Variants in ERC1 observed in about 807,000 individuals in gnomAD.
ERC1 encodes ELKS/RAB6-interacting/CAST family member 1.
A neutral mutation model predicts 132.0 loss-of-function variants in ERC1; 56 were observed. The ratio of observed to expected loss-of-function variants is 0.42; its 90% CI spans 0.34 to 0.53. ERC1 has a LOEUF of 0.53. ERC1 is among the 20% of genes least tolerant of loss of function. ERC1 has a pLI of 0.03. For synonymous variants in ERC1, 478 were observed against 476.1 expected (o/e 1.00, Z -0.05); for missense variants, 1,202 against 1,349.9 (o/e 0.89, Z 1.72).
chr12:1,221,057 C>T (rs1351473768), intron 12 of ERC1, among the ~76,000 whole-genome samples: 1 of 152,124 alleles, frequency 6.6e-6, no homozygotes, highest in African/African-American at 2.4e-5. Context: ...TTATTTTTCC[C>T]ATTGGACTTA....
chr12:1,204,225 T>TC, intron 12 of ERC1: 1 of 343,174 alleles, frequency 2.9e-6, no homozygotes, highest in South Asian at 7.6e-5. Context: ...GTTTTTTTTT[T>TC]CCTGCCCCAG....
Position 1,110,283 on chromosome 12 carries a change from A to G in ERC1, c.1253A>G (p.Glu418Gly). The change falls in exon 5 of 19, where the codon GAA (glutamate) becomes GGA (glycine). Residue 418 changes from glutamate (E) to glycine (G), a missense_variant. Transcript: ENST00000360905. Reference protein sequence around the residue: ...LKSNGALSTEEREEEMKQMEV... With the variant: ...LKSNGALSTEGREEEMKQMEV... ...TCGAATGGTGCTTTGAGTACTGAGGAAAGGGAAGAAGAAATGAAGCAAATG... is the reference window on the plus strand; with the variant it reads ...TCGAATGGTGCTTTGAGTACTGAGGGAAGGGAAGAAGAAATGAAGCAAATG... 1 of 1,613,654 alleles carries G rather than the reference A, an allele frequency of 6.2e-7. No individual in the cohort carries two copies. The highest frequency in any genetic ancestry group is 8.5e-7 in the Non-Finnish European group (1 of 1,179,728).
intron 12 of ERC1, among the ~76,000 whole-genome samples, chr12:1,196,578 A>C (rs957865034): frequency 4.0e-4 from 60 of 149,836 alleles, no homozygotes; most frequent in Non-Finnish European, 7.8e-4. Flanking sequence ...ACTATAGCCT[A>C]GACCTCCCAG....
intron 1 of ERC1, among the ~76,000 whole-genome samples, chr12:1,015,115 C>A (rs2154141427): frequency 6.6e-6 from 1 of 151,386 alleles, no homozygotes; most frequent in East Asian, 1.9e-4. Context: ...GTTGCCCAGG[C>A]TGGAGTGCAG....
intron 2 of ERC1, among the ~76,000 whole-genome samples, chr12:1,035,924 A>G (rs1326897096): frequency 4.8e-5 from 7 of 147,160 alleles, no homozygotes; most frequent in African/African-American, 1.5e-4. Flanking sequence ...TCCGTCTCAG[A>G]AAAAAAAAAA....
At chr12:1,038,798 G>A (rs944142007) in intron 2 of ERC1, among the ~76,000 whole-genome samples, 1 of 152,228 alleles carries the variant, frequency 6.6e-6, no homozygotes, top group African/African-American at 2.4e-5. Context: ...TGTCAGCAGA[G>A]TGGATTGAAG....
At chr12:1,331,326 A>G (rs1192041579) in intron 15 of ERC1, among the ~76,000 whole-genome samples, 1 of 152,218 alleles carries the variant, frequency 6.6e-6, no homozygotes, top group Non-Finnish European at 1.5e-5. Flanking sequence ...TTTTACATGT[A>G]GCCAATAGTT....
chr12:1,432,374 G>C (rs934761875), intron 17 of ERC1, among the ~76,000 whole-genome samples: 2 of 152,222 alleles, frequency 1.3e-5, no homozygotes, highest in African/African-American at 4.8e-5. Flanking sequence ...GTAGTGCTGT[G>C]TTGCTTATCT....
intron 1 of ERC1, among the ~76,000 whole-genome samples, chr12:1,017,609 A>AGT (rs1965723275): frequency 6.9e-6 from 1 of 145,928 alleles, no homozygotes; most frequent in African/African-American, 2.5e-5. Context: ...AGCGATTCTC[A>AGT]TGCCTCAGCC....
At chr12:1,372,452 A>G (rs1340027550) in intron 16 of ERC1, among the ~76,000 whole-genome samples, 2 of 152,220 alleles carry the variant, frequency 1.3e-5, no homozygotes, top group African/African-American at 4.8e-5. Context: ...TATTCATGTA[A>G]CACCTTTTGT....
intron 2 of ERC1, among the ~76,000 whole-genome samples, chr12:1,037,151 C>T (rs1264041474): frequency 6.6e-6 from 1 of 152,156 alleles, no homozygotes; most frequent in Non-Finnish European, 1.5e-5. Context: ...AAATGTTGCA[C>T]AAATATGAGA....
intron 3 of ERC1, among the ~76,000 whole-genome samples, chr12:1,093,467 G>A (rs954516747): frequency 6.6e-6 from 1 of 152,120 alleles, no homozygotes; most frequent in African/African-American, 2.4e-5. Context: ...CAGTCCGCTA[G>A]CAGAGGATAC....
At chr12:1,160,980 T>A (rs1485228646) in intron 8 of ERC1, among the ~76,000 whole-genome samples, 1 of 152,214 alleles carries the variant, frequency 6.6e-6, no homozygotes, top group African/African-American at 2.4e-5. Flanking sequence ...TTCTAAGCAA[T>A]GTATGCACTG....
intron 11 of ERC1, among the ~76,000 whole-genome samples, chr12:1,184,137 CAA>C (rs75254476): frequency 7.2e-5 from 6 of 83,906 alleles, no homozygotes; most frequent in Admixed American, 1.3e-4. Context: ...CTCCATCTCA[CAA>C]AAAAAAAAAA....
chr12:1,183,443 T>A, intron 11 of ERC1, 22 bp downstream of exon 11: 1 of 1,542,580 alleles, frequency 6.5e-7, no homozygotes, highest in Middle Eastern at 1.7e-4. Flanking sequence ...AATTTCACAT[T>A]TTTTTGCTTT....
chr12:1,002,392 G>T, intron 1 of ERC1, among the ~76,000 whole-genome samples: 1 of 143,238 alleles, frequency 7.0e-6, no homozygotes. Flanking sequence ...TTACTATGCT[G>T]CTCAGGCTGG....
intron 16 of ERC1, among the ~76,000 whole-genome samples, chr12:1,394,261 G>T (rs556213623): frequency 1.3e-5 from 2 of 151,498 alleles, no homozygotes; most frequent in African/African-American, 4.9e-5. Context: ...TTAGCCAGGC[G>T]TGGTGGCGGG....
intron 18 of ERC1, among the ~76,000 whole-genome samples, chr12:1,451,776 C>T (rs183596284): frequency 1.3e-5 from 2 of 152,174 alleles, no homozygotes; most frequent in Admixed American, 6.5e-5. Flanking sequence ...ATTGTGTCCC[C>T]CCTCCCAAAA....
chr12:1,181,302 A>G (rs905697048), intron 9 of ERC1, among the ~76,000 whole-genome samples: 17 of 152,186 alleles, frequency 1.1e-4, no homozygotes, highest in Non-Finnish European at 7.3e-5. Context: ...TATATAGAGA[A>G]GAAATATTTG....
Sources: allele counts gnomAD v4.1 joint callset (sites outside exome capture counted in the v4.1 genomes callset), GRCh38; gene constraint gnomAD v4.1.1; transcripts MANE v1.5; gene names NCBI Gene and HGNC (gene_info 2026-07-23, HGNC 2026-07-21).